Variants in MTMR3 observed in about 807,000 individuals in gnomAD.
The protein encoded by MTMR3 is myotubularin related protein 3, also known as phosphatidylinositol-3,5-bisphosphate 3-phosphatase MTMR3.
Under a neutral mutation model 132.4 loss-of-function variants are expected in MTMR3, and 32 were observed. That is an observed-to-expected ratio of 0.24 (90% CI 0.18 to 0.32). MTMR3 has a LOEUF of 0.32. Ranked by LOEUF, MTMR3 falls within the 10% of genes least tolerant of loss-of-function variation. MTMR3 has a pLI of 1.00. For missense variants in MTMR3, 1,216 were observed against 1,489.6 expected (o/e 0.82, Z 3.02); for synonymous variants, 556 against 550.3 (o/e 1.01, Z -0.14).
At chr22:29,953,886 A>G (rs1435333810) in intron 1 of MTMR3, among the ~76,000 whole-genome samples, 1 of 152,072 alleles carries the variant, frequency 6.6e-6, no homozygotes, top group Admixed American at 6.6e-5. Context: ...ATGCAACCAC[A>G]TTACATTCTG....
chr22:29,979,369 G>A (rs981583689), intron 5 of MTMR3: 7 of 240,424 alleles, frequency 2.9e-5, no homozygotes, highest in Non-Finnish European at 5.0e-5. Context: ...GCAGGTGCCT[G>A]TAGTCCCAGC....
chr22:30,010,257 C>T (rs1168832224), intron 12 of MTMR3: 1 of 152,126 alleles, frequency 6.6e-6, no homozygotes, highest in Non-Finnish European at 1.5e-5. Flanking sequence ...TCTCAGTTTT[C>T]CTGTCTATAA....
Position 30,030,171 on chromosome 22 carries a change from A to G in MTMR3, c.*4370A>G, listed in dbSNP as rs1907818340. 1 of 152,152 alleles carries G rather than the reference A, an allele frequency of 6.6e-6. No individual in the cohort carries two copies. The highest frequency in any genetic ancestry group is 1.5e-5 in the Non-Finnish European group (1 of 67,990). The allele number at this position is 152,152 out of a possible 1,614,324, so 9.4% of individuals were successfully genotyped here. ...TGAAATGGGAGTTACCAGGTTTTTA[A>G]ATGCTGCTATTGTTTTATTTACCAT... On this transcript the variant is annotated 3_prime_UTR_variant, in exon 20 of 20. Coordinates refer to ENST00000401950, the MANE Select transcript of MTMR3 (RefSeq NM_021090.4).
intron 1 of MTMR3, among the ~76,000 whole-genome samples, chr22:29,935,442 T>G (rs1437377777): frequency 6.6e-6 from 1 of 152,178 alleles, no homozygotes; most frequent in Non-Finnish European, 1.5e-5. Context: ...TGTTAAAAAC[T>G]AACATTTAAA....
chr22:29,935,483 C>G (rs968369640), intron 1 of MTMR3, among the ~76,000 whole-genome samples: 1 of 152,088 alleles, frequency 6.6e-6, no homozygotes, highest in Non-Finnish European at 1.5e-5. Context: ...CAGTTCTTAC[C>G]TTACACACTA....
intron 1 of MTMR3, among the ~76,000 whole-genome samples, chr22:29,885,622 A>G (rs2145691810): frequency 6.6e-6 from 1 of 152,270 alleles, no homozygotes; most frequent in East Asian, 1.9e-4. Flanking sequence ...TCCCACCATT[A>G]TGGTTGCTCC....
chr22:30,008,547 C>G (rs35970697), intron 11 of MTMR3: 3,861 of 161,788 alleles, frequency 0.024, 73 homozygotes, highest in Middle Eastern at 0.048. Context: ...GAGGGACCCC[C>G]CTCAGTGCCT....
At chr22:29,903,636 G>T (rs975551456) in intron 1 of MTMR3, among the ~76,000 whole-genome samples, 5 of 151,892 alleles carry the variant, frequency 3.3e-5, no homozygotes, top group African/African-American at 1.2e-4. Flanking sequence ...CGAGAGATCC[G>T]CCTGCCTCAG....
intron 1 of MTMR3, among the ~76,000 whole-genome samples, chr22:29,885,572 A>G (rs1474249219): frequency 2.0e-5 from 3 of 152,148 alleles, no homozygotes; most frequent in East Asian, 1.9e-4. Flanking sequence ...AGAGGGAGTA[A>G]GTCGGCTTCT....
chr22:30,017,835 T>C, intron 15 of MTMR3, 92 bp from the exon 16 acceptor site: 1 of 1,526,764 alleles, frequency 6.5e-7, no homozygotes. Context: ...TGTTGGGTAT[T>C]CCAGCTGGGT....
rs2067791211 is a variant in MTMR3 at position 30,022,557 on chromosome 22, C to G, written c.3337-52C>G. On this transcript the variant is annotated intron_variant, in intron 18 of 19. Transcript: ENST00000401950. ...TGCCCCCAGCATGGCTCTGCTGGCT[C>G]CAGCTGGATGGCCCATCTCCTGTCA... The G allele has an allele frequency of 1.9e-5, 29 of 1,514,728 alleles. No homozygotes were observed. In the South Asian group the frequency reaches 3.0e-4, roughly 16 times the overall value. 93.8% of individuals were successfully genotyped at this position (1,514,728 alleles called of 1,614,324 possible). A position where few individuals can be genotyped will look rare whatever the true frequency, so the allele number is the denominator to read the frequency against.
intron 1 of MTMR3, among the ~76,000 whole-genome samples, chr22:29,886,848 G>A (rs1411438583): frequency 6.6e-6 from 1 of 152,212 alleles, no homozygotes; most frequent in African/African-American, 2.4e-5. Flanking sequence ...ATAATTTAGT[G>A]TGAAGTCATG....
Position 30,030,645 on chromosome 22 carries a change from G to GA in MTMR3, c.*4844_*4845insA, listed in dbSNP as rs964804698. 3 of 105,878 alleles carry GA rather than the reference G, an allele frequency of 2.8e-5. No individual in the cohort carries two copies. Among genetic ancestry groups the GA allele is most frequent in the African/African-American group, 7.6e-5 (2 of 26,336 alleles). The allele number at this position is 105,878 out of a possible 1,614,324, so 6.6% of individuals were successfully genotyped here. A position where few individuals can be genotyped will look rare whatever the true frequency, so the allele number is the denominator to read the frequency against. ...CTCTCAGCGAGGAGGGGGCGGGGGGGGGGTCACTATTTATCTTCCAGAGGC... is the reference window on the plus strand; with the variant it reads ...CTCTCAGCGAGGAGGGGGCGGGGGGGAGGGTCACTATTTATCTTCCAGAGGC... On this transcript the variant is annotated 3_prime_UTR_variant, in exon 20 of 20. Coordinates refer to ENST00000401950, the MANE Select transcript of MTMR3 (RefSeq NM_021090.4).
chr22:29,896,869 T>TCTCTCACACA (rs145703649), intron 1 of MTMR3, among the ~76,000 whole-genome samples: 15 of 138,222 alleles, frequency 1.1e-4, no homozygotes, highest in East Asian at 6.4e-4. Context: ...CAGGCTTGTC[T>TCTCTCACACA]CACACACACA....
At chr22:29,897,814 C>T (rs183812716) in intron 1 of MTMR3, among the ~76,000 whole-genome samples, 3 of 151,992 alleles carry the variant, frequency 2.0e-5, no homozygotes, top group African/African-American at 4.8e-5. Context: ...CCTCTTAGAT[C>T]GTATTTTCGT....
In MTMR3 at chr22:30,007,590, T is replaced by C. The variant is rs554365679; in HGVS notation, c.877+271T>C. 7.1e-6 allele frequency: 4 copies of C among 560,906 alleles called. No individual in the cohort carries two copies. In the South Asian group the frequency reaches 8.5e-5, roughly 12 times the overall value. The allele number at this position is 560,906 out of a possible 1,614,324, so 34.7% of individuals were successfully genotyped here. ...TTTATGTAATAGAGGACTTGCAGTATCTGCAGACCATGGCAGGAAATGCCA... is the reference window on the plus strand; with the variant it reads ...TTTATGTAATAGAGGACTTGCAGTACCTGCAGACCATGGCAGGAAATGCCA... On this transcript the variant is annotated intron_variant, in intron 10 of 19. Transcript: ENST00000401950.
At chr22:29,896,757 G>GTTT (rs2064904782) in intron 1 of MTMR3, among the ~76,000 whole-genome samples, 1 of 152,012 alleles carries the variant, frequency 6.6e-6, no homozygotes. Flanking sequence ...GTGTATTCCA[G>GTTT]TATTAAATGG....
intron 5 of MTMR3, 83 bp downstream of exon 5, chr22:29,979,135 G>A (rs1602613406): frequency 1.1e-6 from 1 of 917,654 alleles, no homozygotes; most frequent in East Asian, 2.4e-5. Context: ...GAGAGGAGAG[G>A]CATACAGAAT....
At chr22:29,949,809 G>A (rs1377095503) in intron 1 of MTMR3, among the ~76,000 whole-genome samples, 1 of 152,086 alleles carries the variant, frequency 6.6e-6, no homozygotes, top group African/African-American at 2.4e-5. Context: ...ATAAAATTAT[G>A]TATGTTTAAG....
Sources: gnomAD v4.1 joint callset for allele counts (sites outside exome capture counted in the v4.1 genomes callset) on GRCh38, gnomAD v4.1.1 for gene constraint, MANE v1.5 for transcripts, NCBI Gene and HGNC (gene_info 2026-07-23, HGNC 2026-07-21) for gene names.